PRF1: variants seen among roughly 807,000 people sequenced by gnomAD.
The protein encoded by PRF1 is perforin-1.
Under a neutral mutation model 11.7 loss-of-function variants are expected in PRF1, and 11 were observed. The ratio of observed to expected loss-of-function variants is 0.94; its 90% CI spans 0.59 to 1.56. PRF1 has a LOEUF of 1.56. Ranked by LOEUF, PRF1 falls within the 40% of genes most tolerant of loss-of-function variation. The pLI is 0.00. For synonymous variants in PRF1, 314 were observed against 327.8 expected (o/e 0.96, Z 0.45); for missense variants, 729 against 751.0 (o/e 0.97, Z 0.34).
At position 70,600,460 on chromosome 10, in the gene PRF1, G is replaced by T. The variant is rs142012387; in HGVS notation, c.443C>A (p.Ala148Asp). Reference sequence around the variant, plus strand: ...GTTGGCTGCCTGTGAGTGTGAGCCGGCCACAGACACATGCACATTGCTGGT... The same window carrying T: ...GTTGGCTGCCTGTGAGTGTGAGCCGTCCACAGACACATGCACATTGCTGGT... The part of the protein sequence containing the change: ...KPTSNVHVSV[A>D]GSHSQAANFA... The change falls in exon 2 of 3, where the codon GCC (alanine) becomes GAC (aspartate). Residue 148 changes from alanine to aspartate, a missense_variant. Physicochemically the swap from Ala to Asp is moderately radical, Grantham distance 126 (BLOSUM62 -2). Coordinates refer to ENST00000441259, the MANE Select transcript of PRF1 (RefSeq NM_001083116.3). The surrounding 1 kb of genome is among the most constrained non-coding windows in gnomAD (Gnocchi z 4.9). 1.2e-6 allele frequency: 2 copies of T among 1,614,102 alleles called. No individual in the cohort carries two copies. The highest frequency in any genetic ancestry group is 2.7e-5 in the African/African-American group (2 of 74,936).
chr10:70,597,963 T>C lies in PRF1; in HGVS notation c.*90A>G. The C allele has an allele frequency of 6.5e-7, 1 of 1,541,932 alleles. No individual in the cohort carries two copies. On this transcript the variant is annotated 3_prime_UTR_variant, in exon 3 of 3. Transcript: ENST00000441259. The stretch of plus-strand genomic sequence containing the variant: ...ATGCGGGCCTCGGGTTGGACAAGCT[T>C]GGTCTAATGGGAATACGAAGACAGC...
Position 70,600,263 on chromosome 10 carries a change from C to G in PRF1, c.539+101G>C. On this transcript the variant is annotated intron_variant, in intron 2 of 2. Coordinates refer to ENST00000441259, the MANE Select transcript of PRF1 (RefSeq NM_001083116.3). This position sits in a 1 kb window ranked among gnomAD's most constrained non-coding sequence, Gnocchi z 4.9. ...TGCAGTTTCTTCCTGGTGGAAGCAG[C>G]CTCCAAGTTTGATTGGAGGACTCTG... The G allele has an allele frequency of 1.3e-6, 2 of 1,541,900 alleles. No homozygotes were observed. The highest frequency in any genetic ancestry group is 1.7e-6 in the Non-Finnish European group (2 of 1,146,876).
In PRF1 at chr10:70,597,660, G is replaced by C. The variant is rs557290848; in HGVS notation, c.*393C>G. On this transcript the variant is annotated 3_prime_UTR_variant, in exon 3 of 3. Coordinates refer to ENST00000441259, the MANE Select transcript of PRF1 (RefSeq NM_001083116.3). ...TTGAGAATGGCGGAGGGCTTAGGCA[G>C]TTTGGACAGGGTGAATCGGGATTAG... is the stretch of plus-strand genomic sequence containing the variant. 1 of 582,984 alleles carries C rather than the reference G, an allele frequency of 1.7e-6. No individual in the cohort carries two copies. The highest frequency in any genetic ancestry group is 3.0e-6 in the Non-Finnish European group (1 of 331,648). 36.1% of individuals were successfully genotyped at this position (582,984 alleles called of 1,614,324 possible).
chr10:70,600,661 T>C lies in PRF1; in HGVS notation c.242A>G (p.Gln81Arg). 2 of 1,613,734 alleles carry C rather than the reference T, an allele frequency of 1.2e-6. No homozygotes were observed. The highest frequency in any genetic ancestry group is 1.7e-6 in the Non-Finnish European group (2 of 1,179,866). Residue 81 changes from glutamine (Q) to arginine (R), a missense_variant, in exon 2 of 3, where the codon CAG (glutamine) becomes CGG (arginine). Physicochemically the swap from Gln to Arg is conservative, Grantham distance 43. Transcript: ENST00000441259. The surrounding 1 kb of genome is among the most constrained non-coding windows in gnomAD (Gnocchi z 4.9). ...AGGCAGGCGCTGGAGGGTGCCCTCC[T>C]GTAGGGCATTTTCACAGAGGGTGCA... is the stretch of plus-strand genomic sequence containing the variant. Reference protein sequence around the residue: ...GTCTLCENALQEGTLQRLPLA... With the variant: ...GTCTLCENALREGTLQRLPLA...
intron 1 of PRF1, among the ~76,000 whole-genome samples, chr10:70,602,087 TCTAACCTTACCCAAGC>T (rs1013488807): frequency 2.6e-5 from 4 of 152,204 alleles, no homozygotes; most frequent in African/African-American, 9.6e-5. Context: ...ACCTCCTTTC[TCTAACCTTACCCAAGC>T]CTAACCTTAT....
In PRF1 at chr10:70,598,291, G is replaced by A. The variant is rs762457806; in HGVS notation, c.1430C>T (p.Pro477Leu). Residue 477 changes from proline (P) to leucine (L), a missense_variant, in exon 3 of 3, where the codon CCC becomes CTC. Physicochemically the swap from Pro to Leu is moderately conservative, Grantham distance 98. Coordinates refer to ENST00000441259, the MANE Select transcript of PRF1 (RefSeq NM_001083116.3). Reference sequence around the variant, plus strand: ...CTGATCCCAGACCTGCAACCTCAGGGGCCCCCCTGTGGCCAGGAGCACATC... The same window carrying A: ...CTGATCCCAGACCTGCAACCTCAGGAGCCCCCCTGTGGCCAGGAGCACATC... ...FGDVLLATGGPLRLQVWDQDS... is the reference protein window; with the variant it reads ...FGDVLLATGGLLRLQVWDQDS... 4 of 1,614,196 alleles carry A rather than the reference G, an allele frequency of 2.5e-6. No homozygotes were observed. Among genetic ancestry groups the A allele is most frequent in the Non-Finnish European group, 1.7e-6 (2 of 1,180,040 alleles).
chr10:70,602,276 A>G (rs1848242538), intron 1 of PRF1, among the ~76,000 whole-genome samples: 1 of 152,166 alleles, frequency 6.6e-6, no homozygotes, highest in Non-Finnish European at 1.5e-5. Flanking sequence ...GGAGGCAAAG[A>G]GGCCAGGGGA....
rs1031606439 is a variant in PRF1 at position 70,600,857 on chromosome 10, G to A, written c.46C>T (p.Pro16Ser). 1.2e-6 allele frequency: 2 copies of A among 1,608,224 alleles called. No homozygotes were observed. Among genetic ancestry groups the A allele is most frequent in the East Asian group, 4.5e-5 (2 of 44,674 alleles). Residue 16 changes from proline to serine, a missense_variant, in exon 2 of 3, where the codon CCC becomes TCC. Coordinates refer to ENST00000441259, the MANE Select transcript of PRF1 (RefSeq NM_001083116.3). This position sits in a 1 kb window ranked among gnomAD's most constrained non-coding sequence, Gnocchi z 4.9. ...TGGCACGGGGCAGGGACGGGCAGGG[G>A]CAGCAGCAGGAGAAGGATGCCCAGG... ...LLLGILLLLL[P>S]LPVPAPCHTA...
chr10:70,601,597 G>A (rs1264725790), intron 1 of PRF1, among the ~76,000 whole-genome samples: 1 of 152,016 alleles, frequency 6.6e-6, no homozygotes, highest in East Asian at 1.9e-4. Flanking sequence ...GGGAGGCAGA[G>A]GCAGGTGGAT....
chr10:70,597,639 G>C lies in PRF1; in HGVS notation c.*414C>G. The stretch of plus-strand genomic sequence containing the variant: ...GTGTAGCTGTGACTGCAGGGCTTGA[G>C]AATGGCGGAGGGCTTAGGCAGTTTG... On this transcript the variant is annotated 3_prime_UTR_variant, in exon 3 of 3. Coordinates refer to ENST00000441259, the MANE Select transcript of PRF1 (RefSeq NM_001083116.3). The C allele has an allele frequency of 1.8e-6, 1 of 569,566 alleles. No homozygotes were observed. The allele number at this position is 569,566 out of a possible 1,614,324, so 35.3% of individuals were successfully genotyped here.
chr10:70,598,229 C>A lies in PRF1; in HGVS notation c.1492G>T (p.Asp498Tyr), dbSNP rs1848155636. 6.2e-7 allele frequency: 1 copy of A among 1,614,114 alleles called. No homozygotes were observed. The highest frequency in any genetic ancestry group is 2.2e-5 in the East Asian group (1 of 44,886). ...GRDDDLLGTC[D>Y]QAPKSGSHEV... Reference sequence around the variant, plus strand: ...TGGGAACCAGACTTGGGAGCCTGATCACAGGTGCCAAGGAGGTCATCGTCC... The same window carrying A: ...TGGGAACCAGACTTGGGAGCCTGATAACAGGTGCCAAGGAGGTCATCGTCC... Residue 498 changes from aspartate (D) to tyrosine (Y), a missense_variant, in exon 3 of 3, where the codon GAT (aspartate) becomes TAT (tyrosine). By Grantham distance (160) the Asp-to-Tyr change is radical. Coordinates refer to ENST00000441259, the MANE Select transcript of PRF1 (RefSeq NM_001083116.3).
chr10:70,599,196 A>C lies in PRF1; in HGVS notation c.540-15T>G. ...CCACATGGAAACTGCGAGAAGAGAG[A>C]GACCTCAGCTGGGCCCAGGGGAGTA... On this transcript the variant is annotated splice_polypyrimidine_tract_variant and intron_variant, in intron 2 of 2. Transcript: ENST00000441259. The C allele has an allele frequency of 6.2e-7, 1 of 1,614,100 alleles. No individual in the cohort carries two copies. The highest frequency in any genetic ancestry group is 1.1e-5 in the South Asian group (1 of 91,070).
Position 70,598,423 on chromosome 10 carries a change from G to GT in PRF1, c.1297dup (p.Thr433AsnfsTer25). On this transcript the variant is annotated frameshift_variant, in exon 3 of 3. Coordinates refer to ENST00000441259, the MANE Select transcript of PRF1 (RefSeq NM_001083116.3). LOFTEE classifies it low-confidence loss of function (END_TRUNC). Reference sequence around the variant, plus strand: ...GAGCTTCACATAGGCATCCGTGGCAGTGAACCAGTCCCCCCACAGGCCCCA... The same window carrying GT: ...GAGCTTCACATAGGCATCCGTGGCAGTTGAACCAGTCCCCCCACAGGCCCCA... The GT allele has an allele frequency of 6.2e-7, 1 of 1,613,952 alleles. No individual in the cohort carries two copies.
intron 1 of PRF1, 113 bp from the exon 2 acceptor site, chr10:70,601,045 AAT>A (rs1848223853): frequency 7.1e-7 from 1 of 1,405,074 alleles, no homozygotes; most frequent in African/African-American, 1.4e-5. Context: ...GTCATTATTC[AAT>A]GAATGTCAGA....
rs759074628 is a variant in PRF1, at chr10:70,598,477, G to T, written c.1244C>A (p.Ala415Asp). ...QDCCPRQRGL[A>D]QLEVTFIQAW... Reference sequence around the variant, plus strand: ...TTGGATGAAGGTCACCTCCAGCTGGGCCAGGCCCCTCTGCCGAGGGCAGCA... The same window carrying T: ...TTGGATGAAGGTCACCTCCAGCTGGTCCAGGCCCCTCTGCCGAGGGCAGCA... The change falls in exon 3 of 3, where the codon GCC (alanine) becomes GAC (aspartate). Residue 415 changes from alanine (A) to aspartate (D), a missense_variant. Transcript: ENST00000441259. 1 of 1,613,594 alleles carries T rather than the reference G, an allele frequency of 6.2e-7. No homozygotes were observed. Among genetic ancestry groups the T allele is most frequent in the Non-Finnish European group, 8.5e-7 (1 of 1,180,016 alleles).
Position 70,598,943 on chromosome 10 carries a change from C to A in PRF1, c.778G>T (p.Val260Phe), listed in dbSNP as rs746889280. ...ATGCCTATGTTGACCTGGGCCTCGA[C>A]AGTCAGGCAGTCCTCCACCTCGTTG... ...TDNEVEDCLT[V>F]EAQVNIGIHG... is the part of the protein sequence containing the mutation. Residue 260 changes from valine (V) to phenylalanine (F), a missense_variant, in exon 3 of 3, where the codon GTC becomes TTC. Val to Phe is a conservative substitution (Grantham distance 50). Transcript: ENST00000441259. 1 of 1,614,246 alleles carries A rather than the reference C, an allele frequency of 6.2e-7. No homozygotes were observed. Among genetic ancestry groups the A allele is most frequent in the Admixed American group, 1.7e-5 (1 of 60,038 alleles).
In PRF1 at chr10:70,598,772, C is replaced by G; in HGVS notation, c.949G>C (p.Gly317Arg). Reference sequence around the variant, plus strand: ...TACTGCTCGGGCCCGGCCTGGATCCCGAACAGCAGGTCGTTAATGGAGGTG... The same window carrying G: ...TACTGCTCGGGCCCGGCCTGGATCCGGAACAGCAGGTCGTTAATGGAGGTG... The part of the protein sequence containing the change: ...HHTSINDLLF[G>R]IQAGPEQYSA... The change falls in exon 3 of 3, where the codon GGG (glycine) becomes CGG (arginine). Residue 317 changes from glycine to arginine, a missense_variant. By Grantham distance (125) the Gly-to-Arg change is moderately radical. Transcript: ENST00000441259. The G allele has an allele frequency of 1.2e-6, 2 of 1,614,230 alleles. No individual in the cohort carries two copies. Among genetic ancestry groups the G allele is most frequent in the Non-Finnish European group, 1.7e-6 (2 of 1,180,046 alleles).
In PRF1 at chr10:70,600,268, A is replaced by C. The variant is rs1848200386; in HGVS notation, c.539+96T>G. 6.4e-7 allele frequency: 1 copy of C among 1,554,066 alleles called. No homozygotes were observed. ...TTTCTTCCTGGTGGAAGCAGCCTCC[A>C]AGTTTGATTGGAGGACTCTGCCTTT... is the stretch of plus-strand genomic sequence containing the variant. On this transcript the variant is annotated intron_variant, in intron 2 of 2. Coordinates refer to ENST00000441259, the MANE Select transcript of PRF1 (RefSeq NM_001083116.3). The surrounding 1 kb of genome is among the most constrained non-coding windows in gnomAD (Gnocchi z 4.9).
chr10:70,599,172 C>T lies in PRF1; in HGVS notation c.549G>A (p.Val183=), dbSNP rs1238579504. 1.9e-6 allele frequency: 3 copies of T among 1,614,030 alleles called. No individual in the cohort carries two copies. In the African/African-American group the frequency reaches 4.0e-5, roughly 22 times the overall value. ...CAGGGTGCAGCGGGGGAGTGTGTAC[C>T]ACATGGAAACTGCGAGAAGAGAGAG... ...TVECRFYSFH[V]VHTPPLHPDF... The change falls in exon 3 of 3, where the codon GTG becomes GTA. Residue 183 remains valine, a synonymous_variant. Coordinates refer to ENST00000441259, the MANE Select transcript of PRF1 (RefSeq NM_001083116.3).
Sources: allele counts gnomAD v4.1 joint callset (sites outside exome capture counted in the v4.1 genomes callset), GRCh38; gene constraint gnomAD v4.1.1; non-coding constraint Gnocchi (gnomAD v3.1); transcripts MANE v1.5; gene names NCBI Gene and HGNC (gene_info 2026-07-23, HGNC 2026-07-21).